The following ANKRD27 variants were observed in gnomAD, a reference collection of about 807,000 sequenced individuals.
ANKRD27 encodes the protein ankyrin repeat domain-containing protein 27.
A neutral mutation model predicts 129.7 loss-of-function variants in ANKRD27; 112 were observed. The ratio of observed to expected loss-of-function variants is 0.86; its 90% CI spans 0.74 to 1.01. ANKRD27 has a LOEUF of 1.01. ANKRD27 is among the 50% of genes least tolerant of loss of function. ANKRD27 has a pLI of 0.00. For missense variants in ANKRD27, 1,258 were observed against 1,300.5 expected, an observed-to-expected ratio of 0.97 and a Z score of 0.50; for synonymous variants, 516 against 511.2, an observed-to-expected ratio of 1.01 and a Z score of -0.13.
intron 23 of ANKRD27, among the ~76,000 whole-genome samples, chr19:32,606,257 A>G (rs543211619): frequency 6.7e-6 from 1 of 148,822 alleles, no homozygotes; most frequent in Non-Finnish European, 1.5e-5. Flanking sequence ...GGTTCAACTG[A>G]TTCTCACGCC....
intron 12 of ANKRD27, among the ~76,000 whole-genome samples, chr19:32,633,520 C>T (rs1333866559): frequency 6.6e-6 from 1 of 151,284 alleles, no homozygotes; most frequent in Non-Finnish European, 1.5e-5. Flanking sequence ...ATGGCGGTCT[C>T]GCTACATTGC....
At chr19:32,608,525 G>T in intron 22 of ANKRD27, 2 of 203,040 alleles carry the variant, frequency 9.9e-6, no homozygotes, top group Non-Finnish European at 1.1e-5. Flanking sequence ...AAAACTGTAT[G>T]CTAAATTAAA....
intron 1 of ANKRD27, among the ~76,000 whole-genome samples, chr19:32,662,186 C>T (rs981780395): frequency 1.3e-5 from 2 of 151,842 alleles, no homozygotes; most frequent in Non-Finnish European, 2.9e-5. Context: ...GTGGCATGTG[C>T]CTGTTATCCC....
intron 20 of ANKRD27, among the ~76,000 whole-genome samples, chr19:32,618,410 C>T (rs909624264): frequency 2.2e-4 from 32 of 143,530 alleles, no homozygotes; most frequent in Non-Finnish European, 2.1e-4. Context: ...TGTACCACTG[C>T]ACTCCAGCCT....
intron 1 of ANKRD27, among the ~76,000 whole-genome samples, chr19:32,664,792 C>T (rs1967716818): frequency 6.7e-6 from 1 of 149,756 alleles, no homozygotes; most frequent in South Asian, 2.1e-4. Context: ...TTACAAAATA[C>T]AAAAATTAGC....
chr19:32,598,947 C>T (rs1398609138), intron 28 of ANKRD27, among the ~76,000 whole-genome samples: 1 of 152,156 alleles, frequency 6.6e-6, no homozygotes, highest in Non-Finnish European at 1.5e-5. Context: ...ATCACTGTCT[C>T]CGATCACAGG....
intron 13 of ANKRD27, 122 bp downstream of exon 13, chr19:32,631,280 A>T: frequency 1.2e-6 from 1 of 867,224 alleles, no homozygotes; most frequent in Non-Finnish European, 1.8e-6. Context: ...CGGCCTCCCA[A>T]AGTGCTGTGA....
chr19:32,645,759 A>G (rs1393173238), intron 4 of ANKRD27, among the ~76,000 whole-genome samples: 1 of 151,862 alleles, frequency 6.6e-6, no homozygotes, highest in African/African-American at 2.4e-5. Context: ...CAGCCTCCTG[A>G]GTAGCTGGGA....
At chr19:32,607,517 CTCGGGGGAGCAGTGTCCTCCAGGG>C (rs1321668626) in intron 23 of ANKRD27, 94 bp downstream of exon 23, 2 of 1,249,936 alleles carry the variant, frequency 1.6e-6, no homozygotes, top group Non-Finnish European at 2.2e-6. Context: ...AATCTCAGGG[CTCGGGGGAGCAGTGTCCTCCAGGG>C]TAGCCACCAA....
intron 18 of ANKRD27, among the ~76,000 whole-genome samples, chr19:32,621,241 G>A (rs1471733413): frequency 2.0e-5 from 3 of 152,200 alleles, no homozygotes; most frequent in Non-Finnish European, 4.4e-5. Flanking sequence ...CAGCACCCTG[G>A]GAGGCCAAGG....
At chr19:32,631,350 G>A in intron 13 of ANKRD27, 52 bp downstream of exon 13, 1 of 1,500,648 alleles carries the variant, frequency 6.7e-7, no homozygotes. Flanking sequence ...GGCACCAAGA[G>A]ATGCAGTGTT....
Position 32,631,591 on chromosome 19 carries a change from A to G in ANKRD27, c.1117-97T>C, listed in dbSNP as rs180940625. ...ACCCCGGCTGTCTCTTCAGAGCAGT[A>G]TCGGCTGCGCCTCTCTCCCGTCTCA... On this transcript the variant is annotated intron_variant, in intron 12 of 28. Transcript: ENST00000306065. 810 of 904,950 alleles carry G rather than the reference A, an allele frequency of 9.0e-4. 6 individuals carry two copies. In the African/African-American group the frequency reaches 0.012, roughly 14 times the overall value. The allele number at this position is 904,950 out of a possible 1,614,324, so 56.1% of individuals were successfully genotyped here. A position where few individuals can be genotyped will look rare whatever the true frequency, so the allele number is the denominator to read the frequency against.
In ANKRD27 at chr19:32,675,161, T is replaced by C. The variant is rs1480527696; in HGVS notation, c.-121A>G. The C allele has an allele frequency of 1.3e-5, 2 of 152,020 alleles. No individual in the cohort carries two copies. The highest frequency in any genetic ancestry group is 4.8e-5 in the African/African-American group (2 of 41,318). The allele number at this position is 152,020 out of a possible 1,614,324, so 9.4% of individuals were successfully genotyped here. On this transcript the variant is annotated 5_prime_UTR_variant, in exon 1 of 29. Coordinates refer to ENST00000306065, the MANE Select transcript of ANKRD27 (RefSeq NM_032139.3). ...GCTGGGACCTCGATGCCCACCACCC[T>C]CGCGCGGCGATCTGGCCCTATAGCC...
chr19:32,636,875 G>A (rs542895860), intron 12 of ANKRD27, among the ~76,000 whole-genome samples: 2 of 152,062 alleles, frequency 1.3e-5, no homozygotes, highest in African/African-American at 4.8e-5. Flanking sequence ...AGCCTCCCAA[G>A]TAGCTGGGAT....
chr19:32,610,122 C>T (rs1971812325), intron 22 of ANKRD27, among the ~76,000 whole-genome samples: 1 of 152,016 alleles, frequency 6.6e-6, no homozygotes, highest in Non-Finnish European at 1.5e-5. Context: ...CCATCCTGGC[C>T]AACATGGTGA....
At position 32,643,213 on chromosome 19, in the gene ANKRD27, T is replaced by G. The variant is rs1308891870; in HGVS notation, c.706-14A>C. The G allele has an allele frequency of 6.2e-7, 1 of 1,614,052 alleles. No homozygotes were observed. Among genetic ancestry groups the G allele is most frequent in the South Asian group, 1.1e-5 (1 of 91,064 alleles). On this transcript the variant is annotated splice_polypyrimidine_tract_variant and intron_variant, in intron 8 of 28. Transcript: ENST00000306065. ...AAAGGCCGCATCCTAACAACAGATT[T>G]TAACGAACCTTCAAATTTCTCAAAA...
At position 32,628,746 on chromosome 19, in the gene ANKRD27, T is replaced by A. The variant is rs768349565; in HGVS notation, c.1313A>T (p.Asp438Val). The stretch of plus-strand genomic sequence containing the variant: ...CCCAGAGACGAGTTTCTCACAGTCA[T>A]CGCAGAAGCAGAGAGGGTGACACAT... ...QKMCHPLCFC[D>V]DCEKLVSGRL... The change falls in exon 14 of 29, where the codon GAT (aspartate) becomes GTT (valine). Residue 438 changes from aspartate (D) to valine (V), a missense_variant. Asp to Val is a radical substitution (Grantham distance 152, BLOSUM62 -3). Coordinates refer to ENST00000306065, the MANE Select transcript of ANKRD27 (RefSeq NM_032139.3). 1 of 1,614,132 alleles carries A rather than the reference T, an allele frequency of 6.2e-7. No homozygotes were observed. Among genetic ancestry groups the A allele is most frequent in the South Asian group, 1.1e-5 (1 of 91,088 alleles).
chr19:32,631,350 G>T, intron 13 of ANKRD27, 52 bp downstream of exon 13: 1 of 1,500,646 alleles, frequency 6.7e-7, no homozygotes, highest in Non-Finnish European at 9.3e-7. Flanking sequence ...GGCACCAAGA[G>T]ATGCAGTGTT....
At position 32,656,103 on chromosome 19, in the gene ANKRD27, G is replaced by GAAAAGAAAAGA. The variant is rs1555747135; in HGVS notation, c.102+2810_102+2811insTCTTTTCTTTT. 1.3e-3 allele frequency among the ~76,000 whole-genome samples: 158 copies of GAAAAGAAAAGA among 123,696 alleles called. 1 individual carries two copies. The highest frequency in any genetic ancestry group is 3.9e-3 in the African/African-American group (116 of 29,574). 81.1% of individuals were successfully genotyped at this position (123,696 alleles called of 152,430 possible). Reference sequence around the variant, plus strand: ...AGAAAGAAAGAAAGAAAGAAAGAAAGAAAGAAAAGAAAAGAAAAGAAAAGA... The same window carrying GAAAAGAAAAGA: ...AGAAAGAAAGAAAGAAAGAAAGAAAGAAAAGAAAAGAAAAGAAAAGAAAAGAAAAGAAAAGA... On this transcript the variant is annotated intron_variant, in intron 2 of 28. Coordinates refer to ENST00000306065, the MANE Select transcript of ANKRD27 (RefSeq NM_032139.3).
Sources: allele counts gnomAD v4.1 joint callset (sites outside exome capture counted in the v4.1 genomes callset), GRCh38; gene constraint gnomAD v4.1.1; transcripts MANE v1.5; gene names NCBI Gene and HGNC (gene_info 2026-07-23, HGNC 2026-07-21).